AFAP1L2: variants seen among roughly 807,000 people sequenced by gnomAD.
AFAP1L2 encodes actin filament-associated protein 1-like 2.
A neutral mutation model predicts 99.3 loss-of-function variants in AFAP1L2; 46 were observed. The ratio of observed to expected loss-of-function variants is 0.46; its 90% CI spans 0.37 to 0.59. AFAP1L2 has a LOEUF of 0.59. AFAP1L2 is among the 20% of genes least tolerant of loss of function. The pLI is 0.00. For missense variants in AFAP1L2, 959 were observed against 1,034.9 expected (o/e 0.93, Z 1.01); for synonymous variants, 397 against 419.1 (o/e 0.95, Z 0.64).
Position 114,304,841 on chromosome 10 carries a change from G to A in AFAP1L2, c.1162C>T (p.Arg388Trp), listed in dbSNP as rs756795951. 4.3e-6 allele frequency: 7 copies of A among 1,613,372 alleles called. No individual in the cohort carries two copies. The South Asian group carries it at 4.4e-5, about 10-fold the overall frequency. The stretch of plus-strand genomic sequence containing the variant: ...AGGGGTTGCTGGGCCACCTTGCTCC[G>A]GTTCCGGTCCTGGTAGAAGTGCAGG... ...NHLHFYQDRN[R>W]SKVAQQPLSL... is the part of the protein sequence containing the mutation. Residue 388 changes from arginine (R) to tryptophan (W), a missense_variant, in exon 11 of 19, where the codon CGG (arginine) becomes TGG (tryptophan). This residue lies in a region of AFAP1L2 where 576 missense variants were observed against 562.1 expected (regional missense o/e 1.02). Transcript: ENST00000304129.
rs1564836571 is a variant in AFAP1L2, at chr10:114,313,957, CCTT to C, written c.703_705del (p.Lys235del). On this transcript the variant is annotated inframe_deletion, in exon 7 of 19. Coordinates refer to ENST00000304129, the MANE Select transcript of AFAP1L2 (RefSeq NM_001001936.3). ...ATCGGCGTGATCTTCAGCTTGTGCTCCTTCTTCCGCACTTGCTTCTCCTTGTGA... is the reference window on the plus strand; with the variant it reads ...ATCGGCGTGATCTTCAGCTTGTGCTCCTTCCGCACTTGCTTCTCCTTGTGA... 4.3e-6 allele frequency: 7 copies of C among 1,614,064 alleles called. No homozygotes were observed. Among genetic ancestry groups the C allele is most frequent in the Non-Finnish European group, 5.9e-6 (7 of 1,179,996 alleles).
chr10:114,401,181 C>A (rs1414387947), intron 1 of AFAP1L2, among the ~76,000 whole-genome samples: 2 of 152,148 alleles, frequency 1.3e-5, no homozygotes, highest in Non-Finnish European at 1.5e-5. Context: ...CACTTTCAAC[C>A]AATTACTGTG....
At chr10:114,289,699 A>G in the AFAP1L2 span, 1 of 603,210 alleles carries the variant, frequency 1.7e-6, no homozygotes, top group Non-Finnish European at 2.9e-6. Flanking sequence ...AGAAAGTTTA[A>G]CTAACATAGA....
chr10:114,325,860 C>T, intron 4 of AFAP1L2: 1 of 1,279,802 alleles, frequency 7.8e-7, no homozygotes, highest in Non-Finnish European at 1.0e-6. Flanking sequence ...CCCTAGGGTC[C>T]ACAGGGAAAG....
intron 1 of AFAP1L2, among the ~76,000 whole-genome samples, chr10:114,362,129 G>A (rs558538060): frequency 8.5e-5 from 13 of 152,276 alleles, no homozygotes; most frequent in African/African-American, 2.6e-4. Flanking sequence ...CCATAGAAGT[G>A]AGGGAGAAAT....
chr10:114,358,600 TA>T (rs371878537), intron 1 of AFAP1L2, among the ~76,000 whole-genome samples: 1 of 152,166 alleles, frequency 6.6e-6, no homozygotes, highest in East Asian at 1.9e-4. Context: ...ATAATGATCA[TA>T]AAAACCAGAG....
chr10:114,286,253 A>C, the AFAP1L2 span: 1 of 1,612,792 alleles, frequency 6.2e-7, no homozygotes, highest in Non-Finnish European at 8.5e-7. Flanking sequence ...CGGGAGCGCC[A>C]CCAGGACAGG....
In AFAP1L2 at chr10:114,397,663, G is replaced by T. The variant is rs552859680; in HGVS notation, c.16+6777C>A. Among the ~76,000 whole-genome samples, 14 of 152,306 alleles carry T rather than the reference G, an allele frequency of 9.2e-5. No individual in the cohort carries two copies. The South Asian group carries it at 2.9e-3, about 32-fold the overall frequency. ...AGTCCCAAGCAAGCCCGGAAGGCTGGTCATTCAATTTGGGAAAGCTACCTC... is the reference window on the plus strand; with the variant it reads ...AGTCCCAAGCAAGCCCGGAAGGCTGTTCATTCAATTTGGGAAAGCTACCTC... On this transcript the variant is annotated intron_variant, in intron 1 of 18. Coordinates refer to ENST00000304129, the MANE Select transcript of AFAP1L2 (RefSeq NM_001001936.3).
chr10:114,304,466 A>G (rs368745310), intron 11 of AFAP1L2, among the ~76,000 whole-genome samples: 1 of 152,234 alleles, frequency 6.6e-6, no homozygotes, highest in East Asian at 1.9e-4. Context: ...AGTAGCTCAG[A>G]GAACTAAAAA....
At chr10:114,323,597 G>T (rs757967554) in intron 4 of AFAP1L2, among the ~76,000 whole-genome samples, 1 of 152,150 alleles carries the variant, frequency 6.6e-6, no homozygotes, top group African/African-American at 2.4e-5. Context: ...GAGAGTGCCC[G>T]GCTGTTGGGA....
chr10:114,357,204 TC>T (rs1245499293), intron 1 of AFAP1L2, among the ~76,000 whole-genome samples: 2 of 152,118 alleles, frequency 1.3e-5, no homozygotes, highest in Non-Finnish European at 2.9e-5. Context: ...AATCCTCTCT[TC>T]CCTTTCTGGC....
chr10:114,374,166 T>C (rs138472446), intron 1 of AFAP1L2, among the ~76,000 whole-genome samples: 101 of 152,214 alleles, frequency 6.6e-4, no homozygotes, highest in African/African-American at 2.4e-3. Context: ...TGTCGGTTAT[T>C]TCATAGACTT....
intron 14 of AFAP1L2, 33 bp from the exon 15 acceptor site, chr10:114,300,395 T>C (rs1388378357): frequency 2.5e-6 from 4 of 1,612,610 alleles, no homozygotes; most frequent in Non-Finnish European, 3.4e-6. Flanking sequence ...CTCAGCTGGC[T>C]GAAGGGGCGC....
chr10:114,377,738 A>T lies in AFAP1L2; in HGVS notation c.16+26702T>A, dbSNP rs764652521. On this transcript the variant is annotated intron_variant, in intron 1 of 18. Transcript: ENST00000304129. The surrounding 1 kb of genome is among the most constrained non-coding windows in gnomAD (Gnocchi z 4.0). The stretch of plus-strand genomic sequence containing the variant: ...CCCTCAAATGCCTTAATTTCAACTC[A>T]GCAAGGTATCTGTGAACCAAGTGCT... 6.6e-6 allele frequency among the ~76,000 whole-genome samples: 1 copy of T among 152,260 alleles called. No individual in the cohort carries two copies. Among genetic ancestry groups the T allele is most frequent in the Non-Finnish European group, 1.5e-5 (1 of 68,046 alleles).
At chr10:114,309,803 T>C (rs924584723) in intron 8 of AFAP1L2, among the ~76,000 whole-genome samples, 1 of 152,146 alleles carries the variant, frequency 6.6e-6, no homozygotes, top group Non-Finnish European at 1.5e-5. Context: ...AGCTTCCCCC[T>C]GTCTCCCCAT....
At chr10:114,312,942 C>G (rs2043480671) in intron 7 of AFAP1L2, among the ~76,000 whole-genome samples, 1 of 152,118 alleles carries the variant, frequency 6.6e-6, no homozygotes, top group Non-Finnish European at 1.5e-5. Flanking sequence ...GATACTCAGC[C>G]TAGGGGTGGA....
chr10:114,347,570 G>A (rs942626649), intron 1 of AFAP1L2, among the ~76,000 whole-genome samples: 1 of 152,046 alleles, frequency 6.6e-6, no homozygotes, highest in African/African-American at 2.4e-5. Flanking sequence ...TGACCTCCCA[G>A]ACTCAAGTGA....
intron 1 of AFAP1L2, 40 bp downstream of exon 1, chr10:114,404,400 G>T: frequency 6.5e-7 from 1 of 1,531,876 alleles, no homozygotes. Context: ...CTGGGCGAAA[G>T]GGAGTGGGTG....
chr10:114,394,920 A>G (rs1350957980), intron 1 of AFAP1L2, among the ~76,000 whole-genome samples: 1 of 152,116 alleles, frequency 6.6e-6, no homozygotes, highest in Non-Finnish European at 1.5e-5. Flanking sequence ...TGGAACCGTC[A>G]CAGCACAACT....
Sources: allele counts gnomAD v4.1 joint callset (sites outside exome capture counted in the v4.1 genomes callset), GRCh38; gene constraint gnomAD v4.1.1; regional missense constraint gnomAD v4.1.1; non-coding constraint Gnocchi (gnomAD v3.1); transcripts MANE v1.5; gene names NCBI Gene and HGNC (gene_info 2026-07-23, HGNC 2026-07-21).